DROSHA: variants seen among roughly 807,000 people sequenced by gnomAD.
DROSHA encodes the protein ribonuclease 3.
A neutral mutation model predicts 181.9 loss-of-function variants in DROSHA; 56 were observed. That is an observed-to-expected ratio of 0.31 (90% CI 0.25 to 0.38). The LOEUF is 0.38. Ranked by LOEUF, DROSHA falls within the 10% of genes least tolerant of loss-of-function variation. The pLI is 1.00. For missense variants in DROSHA, 1,218 were observed against 1,743.5 expected, an observed-to-expected ratio of 0.70 and a Z score of 5.37; for synonymous variants, 524 against 591.2, an observed-to-expected ratio of 0.89 and a Z score of 1.65.
At chr5:31,520,339 A>G (rs935041753) in intron 6 of DROSHA, among the ~76,000 whole-genome samples, 1 of 152,136 alleles carries the variant, frequency 6.6e-6, no homozygotes, top group Non-Finnish European at 1.5e-5. Flanking sequence ...TTTACTTACA[A>G]TATAGTTATA....
At chr5:31,525,422 T>C (rs1270784380) in intron 5 of DROSHA, among the ~76,000 whole-genome samples, 1 of 146,512 alleles carries the variant, frequency 6.8e-6, no homozygotes, top group Non-Finnish European at 1.5e-5. Flanking sequence ...GAGAATTGCT[T>C]GAACCCAGGA....
chr5:31,451,397 G>A, intron 21 of DROSHA, 136 bp downstream of exon 21: 5 of 704,352 alleles, frequency 7.1e-6, no homozygotes, highest in Non-Finnish European at 1.2e-5. Context: ...AACCAGGGTA[G>A]AGCAATGGAG....
intron 16 of DROSHA, among the ~76,000 whole-genome samples, chr5:31,479,851 C>A (rs1750822984): frequency 6.6e-6 from 1 of 151,858 alleles, no homozygotes; most frequent in Admixed American, 6.6e-5. Flanking sequence ...TACATATATA[C>A]CATACCAGGT....
chr5:31,417,345 G>A (rs1184079700), intron 30 of DROSHA, among the ~76,000 whole-genome samples: 2 of 152,220 alleles, frequency 1.3e-5, no homozygotes, highest in Non-Finnish European at 2.9e-5. Context: ...TAAGGTGACT[G>A]TAACAACATT....
intron 25 of DROSHA, among the ~76,000 whole-genome samples, chr5:31,433,756 C>T (rs1744476053): frequency 6.6e-6 from 1 of 152,052 alleles, no homozygotes; most frequent in African/African-American, 2.4e-5. Flanking sequence ...CCATGTTAGC[C>T]AGGATGGTCT....
At chr5:31,441,871 A>G (rs1359563718) in intron 23 of DROSHA, among the ~76,000 whole-genome samples, 1 of 152,252 alleles carries the variant, frequency 6.6e-6, no homozygotes, top group African/African-American at 2.4e-5. Context: ...AGTACTATAC[A>G]GAAAAATCTT....
chr5:31,409,638 C>A lies in DROSHA; in HGVS notation c.3668-306G>T. The A allele has an allele frequency of 3.7e-6, 1 of 269,684 alleles. No individual in the cohort carries two copies. Among genetic ancestry groups the A allele is most frequent in the Non-Finnish European group, 7.1e-6 (1 of 140,868 alleles). The allele number at this position is 269,684 out of a possible 1,614,324, so 16.7% of individuals were successfully genotyped here. ...AGGGAAAAAATGCTGAGCACCCAAC[C>A]CTGTTCACATCAAATAAGTCAAAAT... On this transcript the variant is annotated intron_variant, in intron 31 of 35. Transcript: ENST00000344624. This position sits in a 1 kb window ranked among gnomAD's most constrained non-coding sequence, Gnocchi z 4.0.
intron 11 of DROSHA, among the ~76,000 whole-genome samples, chr5:31,496,034 G>A (rs1408095842): frequency 6.6e-6 from 1 of 152,176 alleles, no homozygotes; most frequent in Non-Finnish European, 1.5e-5. Flanking sequence ...TTGGTTGGGT[G>A]GTGGTTGTGT....
At chr5:31,456,463 T>TACACACACACACACACAC (rs35756228) in intron 20 of DROSHA, among the ~76,000 whole-genome samples, 1 of 146,538 alleles carries the variant, frequency 6.8e-6, no homozygotes, top group Non-Finnish European at 1.5e-5. Context: ...GACAACAAGA[T>TACACACACACACACACAC]ACACACACAC....
intron 11 of DROSHA, among the ~76,000 whole-genome samples, chr5:31,497,407 C>T (rs962471643): frequency 3.3e-5 from 5 of 152,320 alleles, no homozygotes; most frequent in African/African-American, 1.2e-4. Context: ...ACACGCCAGC[C>T]GGCAGTCAAC....
At chr5:31,431,737 A>G in intron 25 of DROSHA, 59 bp from the exon 26 acceptor site, 4 of 1,530,934 alleles carry the variant, frequency 2.6e-6, no homozygotes, top group Non-Finnish European at 3.6e-6. Flanking sequence ...TAACTATAGT[A>G]ACTCAGCATC....
At chr5:31,464,031 A>T (rs1295209957) in intron 20 of DROSHA, 3 of 573,426 alleles carry the variant, frequency 5.2e-6, no homozygotes, top group African/African-American at 1.9e-5. Flanking sequence ...AGCACCCACA[A>T]ATACAACATA....
chr5:31,421,060 C>T (rs1170292831), intron 30 of DROSHA, among the ~76,000 whole-genome samples: 1 of 152,172 alleles, frequency 6.6e-6, no homozygotes, highest in Non-Finnish European at 1.5e-5. Context: ...ATATTTTGCA[C>T]AGAGTAGGCA....
At chr5:31,433,691 C>G (rs551391094) in intron 25 of DROSHA, among the ~76,000 whole-genome samples, 122 of 152,154 alleles carry the variant, frequency 8.0e-4, no homozygotes, top group Middle Eastern at 3.4e-3. Flanking sequence ...ACTACAGGCG[C>G]CTGCCACCAC....
At chr5:31,529,735 AAAAAAAAAAAAAC>A (rs1384114600) in intron 3 of DROSHA, among the ~76,000 whole-genome samples, 4 of 95,880 alleles carry the variant, frequency 4.2e-5, no homozygotes, top group African/African-American at 1.7e-4. Flanking sequence ...AAAAACAAAC[AAAAAAAAAAAAAC>A]AAAAAAAAAA....
intron 18 of DROSHA, chr5:31,467,025 C>T (rs1420310720): frequency 6.6e-6 from 1 of 152,086 alleles, no homozygotes; most frequent in East Asian, 1.9e-4. Flanking sequence ...AAGGGATTTT[C>T]CAAAGATTTT....
chr5:31,409,615 G>A lies in DROSHA; in HGVS notation c.3668-283C>T. 2.9e-6 allele frequency: 1 copy of A among 348,944 alleles called. No homozygotes were observed. Among genetic ancestry groups the A allele is most frequent in the Non-Finnish European group, 5.3e-6 (1 of 188,022 alleles). 21.6% of individuals were successfully genotyped at this position (348,944 alleles called of 1,614,324 possible). A position where few individuals can be genotyped will look rare whatever the true frequency, so the allele number is the denominator to read the frequency against. ...TACACAGAATGCCGCTGTATATCAG[G>A]GAAAAAATGCTGAGCACCCAACCCT... On this transcript the variant is annotated intron_variant, in intron 31 of 35. Coordinates refer to ENST00000344624, the MANE Select transcript of DROSHA (RefSeq NM_001382508.1). This position sits in a 1 kb window ranked among gnomAD's most constrained non-coding sequence, Gnocchi z 4.0.
At chr5:31,454,871 C>T (rs1453645551) in intron 20 of DROSHA, among the ~76,000 whole-genome samples, 2 of 139,870 alleles carry the variant, frequency 1.4e-5, no homozygotes, top group Non-Finnish European at 3.0e-5. Context: ...ACCCAGGAGG[C>T]GGAGCTTGCA....
chr5:31,481,903 G>A (rs1158455542), intron 16 of DROSHA, among the ~76,000 whole-genome samples: 1 of 152,208 alleles, frequency 6.6e-6, no homozygotes, highest in Non-Finnish European at 1.5e-5. Context: ...GTAGGAGGCT[G>A]CCTCTGGCAT....
Sources: allele counts gnomAD v4.1 joint callset (sites outside exome capture counted in the v4.1 genomes callset), GRCh38; gene constraint gnomAD v4.1.1; non-coding constraint Gnocchi (gnomAD v3.1); transcripts MANE v1.5; gene names NCBI Gene and HGNC (gene_info 2026-07-23, HGNC 2026-07-21).